The following ADGRV1 variants were observed in gnomAD, a reference collection of about 807,000 sequenced individuals.
ADGRV1 encodes the protein adhesion G protein-coupled receptor V1.
ADGRV1 carries 359 observed loss-of-function variants against 596.2 expected under a neutral mutation model. The ratio of observed to expected loss-of-function variants is 0.60; its 90% confidence interval spans 0.55 to 0.66. ADGRV1 has a LOEUF of 0.66. Ranked by LOEUF, ADGRV1 falls within the 30% of genes least tolerant of loss-of-function variation. The pLI is 0.00. For missense variants in ADGRV1, 7,274 were observed against 7,575.6 expected, an observed-to-expected ratio of 0.96 and a Z score of 1.48; for synonymous variants, 2,681 against 2,679.2, an observed-to-expected ratio of 1.00 and a Z score of -0.02.
chr5:90,591,623 C>A (rs549005007), intron 1 of ADGRV1, among the ~76,000 whole-genome samples: 2 of 151,260 alleles, frequency 1.3e-5, no homozygotes, highest in South Asian at 4.2e-4. Context: ...CTTAACTGAC[C>A]ACTAGGGAAT....
intron 83 of ADGRV1, among the ~76,000 whole-genome samples, chr5:90,954,169 C>T (rs201453258): frequency 9.4e-5 from 13 of 138,424 alleles, no homozygotes; most frequent in South Asian, 2.3e-4. Context: ...CCCAGCCTTG[C>T]TTTTTTTTTT....
rs749963726 is a variant in ADGRV1, at chr5:90,708,884, T to G, written c.8799T>G (p.Ala2933=). 1 of 1,611,374 alleles carries G rather than the reference T, an allele frequency of 6.2e-7. No homozygotes were observed. Among genetic ancestry groups the G allele is most frequent in the Non-Finnish European group, 8.5e-7 (1 of 1,178,018 alleles). The change falls in exon 39 of 90, where the codon GCT becomes GCG. Residue 2933 remains alanine (A), a synonymous_variant. Transcript: ENST00000405460. ...CTTACGTTGGACTTACCATGGCTGC[T>G]TCAACTTCATTTCCTCCCAGACTAG... ...NLTYVGLTMA[A]STSFPPRLDS...
At chr5:90,816,823 T>G (rs1762945084) in intron 75 of ADGRV1, among the ~76,000 whole-genome samples, 1 of 151,976 alleles carries the variant, frequency 6.6e-6, no homozygotes, top group Non-Finnish European at 1.5e-5. Context: ...GTTGGACATT[T>G]GGGTTGGTTC....
intron 87 of ADGRV1, among the ~76,000 whole-genome samples, chr5:91,111,328 A>C (rs1040026001): frequency 2.6e-5 from 4 of 152,172 alleles, no homozygotes; most frequent in African/African-American, 9.7e-5. Flanking sequence ...TTTAAAATTA[A>C]AGCCATCTTT....
intron 55 of ADGRV1, among the ~76,000 whole-genome samples, chr5:90,755,516 T>C (rs1379203451): frequency 6.6e-6 from 1 of 152,064 alleles, no homozygotes; most frequent in African/African-American, 2.4e-5. Flanking sequence ...TGACAACAAG[T>C]GAAATGCCCA....
intron 86 of ADGRV1, among the ~76,000 whole-genome samples, chr5:91,078,035 G>A (rs1243575934): frequency 3.3e-5 from 5 of 152,064 alleles, no homozygotes; most frequent in Non-Finnish European, 5.9e-5. Context: ...TATGAAAATG[G>A]AAATGTGGCT....
At chr5:91,087,617 C>G (rs1790005094) in intron 86 of ADGRV1, among the ~76,000 whole-genome samples, 1 of 152,162 alleles carries the variant, frequency 6.6e-6, no homozygotes. Flanking sequence ...AACATTTTAT[C>G]TATCACATTT....
intron 1 of ADGRV1, among the ~76,000 whole-genome samples, chr5:90,597,736 GAGAAGAGAAGAGAGGA>G (rs200464045): frequency 0.022 from 3,373 of 151,888 alleles, 95 homozygotes; most frequent in African/African-American, 0.067. Flanking sequence ...AAGAGGGAGA[GAGAAGAGAAGAGAGGA>G]AGAAGAGAAG....
At chr5:90,682,047 G>A (rs1040398164) in intron 27 of ADGRV1, among the ~76,000 whole-genome samples, 1 of 152,026 alleles carries the variant, frequency 6.6e-6, no homozygotes, top group Non-Finnish European at 1.5e-5. Flanking sequence ...TGTATTTTTA[G>A]TAGAGACGGG....
intron 1 of ADGRV1, among the ~76,000 whole-genome samples, chr5:90,594,230 G>A (rs1309144128): frequency 6.6e-6 from 1 of 151,182 alleles, no homozygotes; most frequent in Admixed American, 6.6e-5. Context: ...CATGTCATGG[G>A]AGGTACCAGG....
chr5:90,561,212 A>T (rs1478656895), intron 1 of ADGRV1, among the ~76,000 whole-genome samples: 1 of 152,176 alleles, frequency 6.6e-6, no homozygotes, highest in Non-Finnish European at 1.5e-5. Context: ...TTTATCTTAG[A>T]TTAAATGTGT....
chr5:91,159,045 G>A (rs118020487), intron 89 of ADGRV1, among the ~76,000 whole-genome samples: 1 of 152,166 alleles, frequency 6.6e-6, no homozygotes, highest in African/African-American at 2.4e-5. Context: ...TAAAATGCTT[G>A]CATTAATTCA....
chr5:91,045,749 T>C lies in ADGRV1; in HGVS notation c.18153-26698T>C, dbSNP rs1359536169. Among the ~76,000 whole-genome samples the C allele has an allele frequency of 2.0e-5, 3 of 152,208 alleles. No individual in the cohort carries two copies. In the East Asian group the frequency reaches 5.8e-4, roughly 29 times the overall value. ...GGTCAAACTGTTGCTGTTTACTGATTATATGATTGTTTACCTAGAAAACCC... is the reference window on the plus strand; with the variant it reads ...GGTCAAACTGTTGCTGTTTACTGATCATATGATTGTTTACCTAGAAAACCC... On this transcript the variant is annotated intron_variant, in intron 85 of 89. Transcript: ENST00000405460.
At chr5:91,038,852 AC>A (rs1246262087) in intron 85 of ADGRV1, among the ~76,000 whole-genome samples, 2 of 152,162 alleles carry the variant, frequency 1.3e-5, no homozygotes, top group East Asian at 3.9e-4. Flanking sequence ...AAGAAAGAAT[AC>A]CATTGTGCTA....
chr5:90,809,648 G>T (rs760976566), intron 73 of ADGRV1, among the ~76,000 whole-genome samples: 2 of 152,108 alleles, frequency 1.3e-5, no homozygotes, highest in African/African-American at 4.8e-5. Flanking sequence ...GAATTAGGCC[G>T]AGAGACCAGC....
intron 85 of ADGRV1, among the ~76,000 whole-genome samples, chr5:91,064,890 T>G (rs1023808528): frequency 6.6e-6 from 1 of 152,182 alleles, no homozygotes; most frequent in Admixed American, 6.5e-5. Context: ...ACACACACAA[T>G]GCATGCATGC....
chr5:91,035,861 T>TATTATATA, intron 85 of ADGRV1, among the ~76,000 whole-genome samples: 11 of 96,404 alleles, frequency 1.1e-4, no homozygotes, highest in African/African-American at 3.8e-4. Flanking sequence ...TATATATATA[T>TATTATATA]TATATATATA....
At chr5:91,121,088 C>T (rs757662357) in intron 87 of ADGRV1, among the ~76,000 whole-genome samples, 2 of 152,088 alleles carry the variant, frequency 1.3e-5, no homozygotes, top group South Asian at 2.1e-4. Context: ...GTAGGAGAAT[C>T]GCTTCAACCC....
Position 90,674,091 on chromosome 5 carries a change from A to T in ADGRV1, c.4967A>T (p.Glu1656Val). 6.2e-7 allele frequency: 1 copy of T among 1,613,202 alleles called. No individual in the cohort carries two copies. Among genetic ancestry groups the T allele is most frequent in the African/African-American group, 1.3e-5 (1 of 75,026 alleles). Residue 1656 changes from glutamate to valine, a missense_variant, in exon 23 of 90, where the codon GAA (glutamate) becomes GTA (valine). By Grantham distance (121) the Glu-to-Val change is moderately radical. Transcript: ENST00000405460. ...TATGTTCTTGATGATGATATTCCTGAACTTAATGAGTATTTCCGTGTGACA... is the reference window on the plus strand; with the variant it reads ...TATGTTCTTGATGATGATATTCCTGTACTTAATGAGTATTTCCGTGTGACA... The part of the protein sequence containing the change: ...NIYVLDDDIP[E>V]LNEYFRVTLV...
Sources: allele counts gnomAD v4.1 joint callset (sites outside exome capture counted in the v4.1 genomes callset), GRCh38; gene constraint gnomAD v4.1.1; transcripts MANE v1.5; gene names NCBI Gene and HGNC (gene_info 2026-07-23, HGNC 2026-07-21).